The following PCDH7 variants were observed in gnomAD, a reference collection of about 807,000 sequenced individuals.
PCDH7 encodes the protein protocadherin-7.
PCDH7 carries 17 observed loss-of-function variants against 58.9 expected under a neutral mutation model. The ratio of observed to expected loss-of-function variants is 0.29; its 90% CI spans 0.20 to 0.43. PCDH7 has a LOEUF of 0.43. PCDH7 is among the 20% of genes least tolerant of loss of function. The pLI is 1.00. For synonymous variants in PCDH7, 664 were observed against 616.4 expected, an observed-to-expected ratio of 1.08 and a Z score of -1.14; for missense variants, 1,274 against 1,441.0, an observed-to-expected ratio of 0.88 and a Z score of 1.88.
At chr4:31,070,080 A>C (rs1578712157) in intron 3 of PCDH7, among the ~76,000 whole-genome samples, 1 of 152,066 alleles carries the variant, frequency 6.6e-6, no homozygotes, top group African/African-American at 2.4e-5. Context: ...AATTTTAAAC[A>C]GTAAATGTAT....
At chr4:31,077,957 C>T (rs897333326) in intron 3 of PCDH7, among the ~76,000 whole-genome samples, 7 of 151,980 alleles carry the variant, frequency 4.6e-5, no homozygotes, top group African/African-American at 1.7e-4. Context: ...ATTCTGATCC[C>T]AGAATTTACT....
chr4:30,894,013 T>C (rs1359044381), intron 1 of PCDH7, among the ~76,000 whole-genome samples: 1 of 152,142 alleles, frequency 6.6e-6, no homozygotes, highest in East Asian at 1.9e-4. Flanking sequence ...AGACAGATAC[T>C]GGAGAACTGA....
chr4:30,861,623 T>G (rs1734211716), intron 1 of PCDH7, among the ~76,000 whole-genome samples: 1 of 152,182 alleles, frequency 6.6e-6, no homozygotes, highest in African/African-American at 2.4e-5. Flanking sequence ...GTAATGGGAT[T>G]AATTTCCACA....
rs1362650921 is a variant in PCDH7 at position 30,720,852 on chromosome 4, G to GGCCGGA, written c.-562_-557dup. 1 of 153,420 alleles carries GGCCGGA rather than the reference G, an allele frequency of 6.5e-6. No individual in the cohort carries two copies. The highest frequency in any genetic ancestry group is 2.4e-5 in the African/African-American group (1 of 41,498). 9.5% of individuals were successfully genotyped at this position (153,420 alleles called of 1,614,324 possible). On this transcript the variant is annotated 5_prime_UTR_variant, in exon 1 of 2. Transcript: ENST00000361762. The surrounding 1 kb of genome is among the most constrained non-coding windows in gnomAD (Gnocchi z 4.7). ...GGAAGCGACTCACGTTTGTCTGGGT[G>GGCCGGA]GCCGGAGCCGGAGCAGAGCCTGGGT...
chr4:30,818,450 A>G (rs1481135810), intron 1 of PCDH7, among the ~76,000 whole-genome samples: 1 of 152,132 alleles, frequency 6.6e-6, no homozygotes, highest in Non-Finnish European at 1.5e-5. Context: ...TCTCCATAAT[A>G]TGGGACTAGT....
rs199837200 is a variant in PCDH7 at position 30,968,287 on chromosome 4, ACTCTCTCTCTCT to A, written c.*7+18077_*7+18088del. The stretch of plus-strand genomic sequence containing the variant: ...TAAAAATTGATCAAAGAAAAAAATT[ACTCTCTCTCTCT>A]CTCTATATATATATATACACTATAT... On this transcript the variant is annotated intron_variant, in intron 3 of 3. Coordinates refer to the PCDH7 transcript ENST00000509759. Among the ~76,000 whole-genome samples the A allele has an allele frequency of 1.4e-3, 156 of 112,918 alleles. 1 individual carries two copies. Among genetic ancestry groups the A allele is most frequent in the African/African-American group, 5.5e-3 (130 of 23,500 alleles). The allele number at this position is 112,918 out of a possible 152,430, so 74.1% of individuals were successfully genotyped here. A position where few individuals can be genotyped will look rare whatever the true frequency, so the allele number is the denominator to read the frequency against.
At chr4:30,974,234 T>C (rs1268624230) in intron 3 of PCDH7, among the ~76,000 whole-genome samples, 9 of 84,898 alleles carry the variant, frequency 1.1e-4, no homozygotes, top group African/African-American at 1.7e-4. Flanking sequence ...CTTTCTTTCT[T>C]TTTCTTTCTT....
chr4:30,848,143 T>G (rs2109344032), intron 1 of PCDH7, among the ~76,000 whole-genome samples: 1 of 152,248 alleles, frequency 6.6e-6, no homozygotes. Context: ...TGCAATCACA[T>G]TCCCTTCTCT....
rs78622890 is a variant in PCDH7, at chr4:30,740,470, T to G, written c.70+15874T>G. ...ATTTTTTCTTTTTCATTATTTTATT[T>G]CAATATTCTTCAATTCACTCATTAT... On this transcript the variant is annotated intron_variant, in intron 1 of 3. Transcript: ENST00000509759. Among the ~76,000 whole-genome samples, 35 of 152,314 alleles carry G rather than the reference T, an allele frequency of 2.3e-4. No homozygotes were observed. In the East Asian group the frequency reaches 5.6e-3, roughly 24 times the overall value.
At chr4:30,790,723 C>T (rs1724001329) in intron 1 of PCDH7, among the ~76,000 whole-genome samples, 1 of 152,082 alleles carries the variant, frequency 6.6e-6, no homozygotes, top group Non-Finnish European at 1.5e-5. Flanking sequence ...AGTTCAAGAC[C>T]AGCCTGGGTA....
At chr4:30,930,320 T>C (rs1744415870) in intron 2 of PCDH7, among the ~76,000 whole-genome samples, 1 of 152,194 alleles carries the variant, frequency 6.6e-6, no homozygotes, top group African/African-American at 2.4e-5. Flanking sequence ...TTTGCCAACC[T>C]TGGAAAAGTG....
chr4:31,038,281 ATT>A (rs1755575117), intron 3 of PCDH7, among the ~76,000 whole-genome samples: 1 of 152,186 alleles, frequency 6.6e-6, no homozygotes, highest in Non-Finnish European at 1.5e-5. Context: ...TTTCTTAAAT[ATT>A]GTTCTGTATG....
intron 3 of PCDH7, among the ~76,000 whole-genome samples, chr4:31,034,511 A>G (rs138080401): frequency 6.6e-6 from 1 of 152,346 alleles, no homozygotes; most frequent in East Asian, 1.9e-4. Flanking sequence ...ACATTTTTAC[A>G]ATGAAGACAA....
At chr4:31,047,318 T>C (rs528198881) in intron 3 of PCDH7, among the ~76,000 whole-genome samples, 7 of 152,216 alleles carry the variant, frequency 4.6e-5, no homozygotes, top group African/African-American at 1.2e-4. Flanking sequence ...TATAGCATGA[T>C]TGACAATTTG....
chr4:30,728,580 T>C (rs1714989365), intron 1 of PCDH7, among the ~76,000 whole-genome samples: 1 of 151,818 alleles, frequency 6.6e-6, no homozygotes, highest in African/African-American at 2.4e-5. Flanking sequence ...TCTGGATCTC[T>C]GGATGTCTAT....
chr4:30,902,500 G>A (rs1046240225), intron 1 of PCDH7, among the ~76,000 whole-genome samples: 6 of 152,146 alleles, frequency 3.9e-5, no homozygotes, highest in Non-Finnish European at 4.4e-5. Context: ...TTCTTAATAC[G>A]TGCGATGCAT....
chr4:30,739,317 T>C (rs1036636523), intron 1 of PCDH7, among the ~76,000 whole-genome samples: 6 of 151,466 alleles, frequency 4.0e-5, no homozygotes, highest in African/African-American at 1.2e-4. Flanking sequence ...ATAGACTTTT[T>C]CTAAGAAGTA....
rs138346701 is a variant in PCDH7, at chr4:30,878,181, T to C, written c.71-41972T>C. On this transcript the variant is annotated intron_variant, in intron 1 of 3. Coordinates refer to the PCDH7 transcript ENST00000509759. ...ATGCTGGTGCAATGGGTTGACTCTATGATTTTAGGTGAGGCCTCCTTCTGT... is the reference window on the plus strand; with the variant it reads ...ATGCTGGTGCAATGGGTTGACTCTACGATTTTAGGTGAGGCCTCCTTCTGT... Among the ~76,000 whole-genome samples the C allele has an allele frequency of 6.9e-4, 105 of 152,258 alleles. No individual in the cohort carries two copies. In the Middle Eastern group the frequency reaches 0.017, roughly 25 times the overall value.
chr4:30,723,848 A>G lies in PCDH7; in HGVS notation c.2426A>G (p.Gln809Arg), dbSNP rs1714188649. The G allele has an allele frequency of 6.2e-7, 1 of 1,614,080 alleles. No homozygotes were observed. Among genetic ancestry groups the G allele is most frequent in the Non-Finnish European group, 8.5e-7 (1 of 1,180,050 alleles). ...GTTTCCTTAGTGGGAAAACTCACCC[A>G]AAAGCATTATGGCTTGCACAGGTTG... The change falls in exon 1 of 2, where the codon CAA becomes CGA. Residue 809 changes from glutamine to arginine, a missense_variant. Coordinates refer to ENST00000361762, the Ensembl canonical transcript of PCDH7. This position sits in a 1 kb window ranked among gnomAD's most constrained non-coding sequence, Gnocchi z 4.6.
Sources: allele counts gnomAD v4.1 joint callset (sites outside exome capture counted in the v4.1 genomes callset), GRCh38; gene constraint gnomAD v4.1.1; non-coding constraint Gnocchi (gnomAD v3.1); transcripts MANE v1.5; gene names NCBI Gene and HGNC (gene_info 2026-07-23, HGNC 2026-07-21).